The following DENND4A variants were observed in gnomAD, a reference collection of about 807,000 sequenced individuals.
DENND4A encodes the protein C-myc promoter-binding protein.
A neutral mutation model predicts 199.3 loss-of-function variants in DENND4A; 70 were observed. The observed-to-expected ratio is 0.35, with a 90% CI of 0.29 to 0.43. The LOEUF is 0.43. DENND4A is among the 20% of genes least tolerant of loss of function. The pLI, the probability that DENND4A is intolerant of heterozygous loss-of-function variation, is 1.00. For synonymous variants in DENND4A, 686 were observed against 766.9 expected (o/e 0.89, Z 1.74); for missense variants, 1,723 against 2,255.8 (o/e 0.76, Z 4.78).
intron 14 of DENND4A, among the ~76,000 whole-genome samples, chr15:65,709,720 A>AACAATATATATATC (rs67212352): frequency 2.0e-5 from 1 of 50,654 alleles, no homozygotes; most frequent in Non-Finnish European, 3.2e-5. Context: ...AAAAAAAAAA[A>AACAATATATATATC]TATATATATA....
At chr15:65,752,674 T>G (rs773586933) in intron 3 of DENND4A, 46 bp from the exon 4 acceptor site, 87 of 1,240,176 alleles carry the variant, frequency 7.0e-5, no homozygotes, top group South Asian at 9.1e-5. Flanking sequence ...ACTTTAAATA[T>G]GAAAAGTAAT....
chr15:65,725,375 G>A (rs1466917647), intron 11 of DENND4A, among the ~76,000 whole-genome samples: 1 of 152,138 alleles, frequency 6.6e-6, no homozygotes, highest in Non-Finnish European at 1.5e-5. Flanking sequence ...CTTGTCAGAA[G>A]GGTTAATAAG....
At chr15:65,722,458 C>T (rs769473098) in intron 12 of DENND4A, among the ~76,000 whole-genome samples, 2 of 151,924 alleles carry the variant, frequency 1.3e-5, no homozygotes, top group Non-Finnish European at 2.9e-5. Context: ...CAAAGCAAGA[C>T]CGTGTCTCAA....
At chr15:65,703,647 G>A (rs1361801591) in intron 15 of DENND4A, among the ~76,000 whole-genome samples, 2 of 152,198 alleles carry the variant, frequency 1.3e-5, no homozygotes, top group African/African-American at 4.8e-5. Context: ...AAGGGTGCGA[G>A]ACCAAGATGC....
intron 1 of DENND4A, chr15:65,771,219 T>C: frequency 6.2e-7 from 1 of 1,608,666 alleles, no homozygotes; most frequent in Non-Finnish European, 8.5e-7. Context: ...TCTTTACAGT[T>C]GTCCATGCTC....
intron 1 of DENND4A, among the ~76,000 whole-genome samples, chr15:65,779,447 CAA>C (rs201529484): frequency 3.3e-4 from 21 of 64,612 alleles, no homozygotes; most frequent in Admixed American, 7.2e-4. Context: ...GACTCTGTCT[CAA>C]AAAAAAAAAA....
intron 7 of DENND4A, among the ~76,000 whole-genome samples, chr15:65,736,428 G>GT (rs2076120712): frequency 1.5e-5 from 2 of 133,900 alleles, no homozygotes; most frequent in East Asian, 3.4e-4. Flanking sequence ...GCTGGCTTTT[G>GT]TATTTTTTTT....
intron 1 of DENND4A, among the ~76,000 whole-genome samples, chr15:65,769,619 G>A (rs183888619): frequency 5.9e-5 from 9 of 152,138 alleles, no homozygotes; most frequent in Admixed American, 3.9e-4. Context: ...TGAGGTACTC[G>A]TCATTTTAAA....
chr15:65,676,686 TAA>T, intron 23 of DENND4A, 52 bp from the exon 24 acceptor site: 1 of 1,437,550 alleles, frequency 7.0e-7, no homozygotes, highest in Non-Finnish European at 9.3e-7. Context: ...GGTAATTAAT[TAA>T]AAAGTCACTT....
intron 7 of DENND4A, among the ~76,000 whole-genome samples, chr15:65,733,123 C>A (rs559048750): frequency 1.3e-5 from 2 of 152,160 alleles, no homozygotes; most frequent in South Asian, 4.1e-4. Flanking sequence ...TGGAAATTAC[C>A]CAAAAAGTAA....
rs781120620 is a variant in DENND4A, at chr15:65,667,555, T to C, written c.5135A>G (p.His1712Arg). ...AITVADFVDH[H>R]PIVFWNLVWY... ...TACCAGGTTCCAAAAAACAATTGGA[T>C]GATGGTCCACAAAGTCTGCTACTGT... The change falls in exon 29 of 33, where the codon CAT becomes CGT. Residue 1712 changes from histidine (H) to arginine (R), a missense_variant. By Grantham distance (29) the His-to-Arg change is conservative. This residue lies in a region of DENND4A where 164 missense variants were observed against 280.1 expected (regional missense o/e 0.59). Coordinates refer to ENST00000443035, the MANE Select transcript of DENND4A (RefSeq NM_001320835.1). The C allele has an allele frequency of 6.2e-7, 1 of 1,613,982 alleles. No homozygotes were observed. Among genetic ancestry groups the C allele is most frequent in the South Asian group, 1.1e-5 (1 of 91,086 alleles).
intron 1 of DENND4A, among the ~76,000 whole-genome samples, chr15:65,787,515 T>C (rs548172245): frequency 2.2e-4 from 33 of 152,332 alleles, no homozygotes; most frequent in Admixed American, 1.1e-3. Context: ...AAGTAGGAAC[T>C]AAGAAAGTGT....
At position 65,668,108 on chromosome 15, in the gene DENND4A, C is replaced by G; in HGVS notation, c.4803G>C (p.Gln1601His). The change falls in exon 28 of 33, where the codon CAG becomes CAC. Residue 1601 changes from glutamine (Q) to histidine (H), a missense_variant. Transcript: ENST00000443035. Reference protein sequence around the residue: ...NFDLNSKSKLQENFCTRSIQI... With the variant: ...NFDLNSKSKLHENFCTRSIQI... ...GAATACTTCGGGTGCAAAAATTTTC[C>G]TGCAGTTTAGATTTGCTTGGGAATT... is the stretch of plus-strand genomic sequence containing the variant. The G allele has an allele frequency of 6.3e-7, 1 of 1,577,748 alleles. No individual in the cohort carries two copies. Among genetic ancestry groups the G allele is most frequent in the Non-Finnish European group, 8.5e-7 (1 of 1,170,016 alleles).
rs544152903 is a variant in DENND4A at position 65,792,219 on chromosome 15, G to A, written c.-311C>T. ...GTCAGACGGGACTCCCCCTCCCCTC[G>A]CGGCCGCCACTGCCTCCGCCTCTTT... On this transcript the variant is annotated 5_prime_UTR_variant, in exon 1 of 33. Transcript: ENST00000443035. The A allele has an allele frequency of 7.0e-4, 87 of 124,462 alleles. No homozygotes were observed. Among genetic ancestry groups the A allele is most frequent in the Middle Eastern group, 3.9e-3 (1 of 256 alleles). 7.7% of individuals were successfully genotyped at this position (124,462 alleles called of 1,614,324 possible).
intron 4 of DENND4A, among the ~76,000 whole-genome samples, chr15:65,747,916 T>A (rs1177184485): frequency 6.6e-6 from 1 of 151,384 alleles, no homozygotes; most frequent in Non-Finnish European, 1.5e-5. Flanking sequence ...GGCGCGCGCC[T>A]GTAATCCCAG....
chr15:65,696,998 GT>G, intron 21 of DENND4A: 1 of 341,470 alleles, frequency 2.9e-6, no homozygotes, highest in Admixed American at 4.5e-5. Context: ...TGTATATACA[GT>G]TCTACTAAAT....
intron 1 of DENND4A, among the ~76,000 whole-genome samples, chr15:65,787,226 T>C (rs2077588452): frequency 1.3e-5 from 2 of 152,186 alleles, no homozygotes; most frequent in South Asian, 4.1e-4. Flanking sequence ...AGCTTTCATT[T>C]GAAAACAAAA....
chr15:65,668,396 A>G (rs1198662973), intron 27 of DENND4A, among the ~76,000 whole-genome samples: 1 of 151,962 alleles, frequency 6.6e-6, no homozygotes, highest in East Asian at 1.9e-4. Context: ...TTTAGTAGAG[A>G]TGGGGTTTTG....
At chr15:65,747,769 A>AC (rs1375859371) in intron 4 of DENND4A, among the ~76,000 whole-genome samples, 4 of 152,066 alleles carry the variant, frequency 2.6e-5, no homozygotes, top group Non-Finnish European at 5.9e-5. Flanking sequence ...CTGGCCAGGC[A>AC]CAGTGGCTCA....
Sources: allele counts gnomAD v4.1 joint callset (sites outside exome capture counted in the v4.1 genomes callset), GRCh38; gene constraint gnomAD v4.1.1; regional missense constraint gnomAD v4.1.1; transcripts MANE v1.5; gene names NCBI Gene and HGNC (gene_info 2026-07-23, HGNC 2026-07-21).